The following TRPC3 variants were observed in gnomAD, a reference collection of about 807,000 sequenced individuals.
The protein encoded by TRPC3 is transient receptor potential cation channel subfamily C member 3.
In TRPC3, 54 loss-of-function variants were observed where a neutral mutation model predicts 90.9. The observed-to-expected ratio is 0.59, with a 90% CI of 0.48 to 0.75. The LOEUF is 0.75. Ranked by LOEUF, TRPC3 falls within the 30% of genes least tolerant of loss-of-function variation. The pLI, the probability that TRPC3 is intolerant of heterozygous loss-of-function variation, is 0.00. For synonymous variants in TRPC3, 424 were observed against 450.9 expected (o/e 0.94, Z 0.75); for missense variants, 918 against 1,194.5 (o/e 0.77, Z 3.41).
At chr4:121,905,746 C>T (rs1394888336) in intron 7 of TRPC3, among the ~76,000 whole-genome samples, 1 of 152,060 alleles carries the variant, frequency 6.6e-6, no homozygotes, top group Non-Finnish European at 1.5e-5. Flanking sequence ...TATTCATTCA[C>T]TCATAAAACA....
chr4:121,931,857 C>T lies in TRPC3; in HGVS notation c.987+414G>A, dbSNP rs1037533153. Reference sequence around the variant, plus strand: ...CCTAGTATTGCAGGACATCCAGACACGGTATACTCCCTCAGGGGAAATAAA... The same window carrying T: ...CCTAGTATTGCAGGACATCCAGACATGGTATACTCCCTCAGGGGAAATAAA... On this transcript the variant is annotated intron_variant, in intron 2 of 11. Transcript: ENST00000379645. Among the ~76,000 whole-genome samples the T allele has an allele frequency of 3.3e-5, 5 of 152,274 alleles. No homozygotes were observed. In the East Asian group the frequency reaches 7.7e-4, roughly 23 times the overall value.
At chr4:121,909,417 C>G (rs1373123569) in intron 6 of TRPC3, among the ~76,000 whole-genome samples, 1 of 152,082 alleles carries the variant, frequency 6.6e-6, no homozygotes, top group Non-Finnish European at 1.5e-5. Flanking sequence ...AAAGTATTTT[C>G]CAGATTTCAG....
At chr4:121,940,586 C>A (rs1674409977) in intron 1 of TRPC3, among the ~76,000 whole-genome samples, 3 of 152,208 alleles carry the variant, frequency 2.0e-5, no homozygotes. Flanking sequence ...CATCAGTGGT[C>A]CAGTTTACAT....
chr4:121,879,914 G>C (rs369174871), intron 11 of TRPC3, 36 bp from the exon 12 acceptor site: 3 of 1,500,280 alleles, frequency 2.0e-6, no homozygotes, highest in South Asian at 2.7e-5. Flanking sequence ...TTGGTAAGTT[G>C]CTCTTTGGAT....
In TRPC3 at chr4:121,879,934, A is replaced by G. The variant is rs1035918309; in HGVS notation, c.2624-56T>C. 5 of 1,448,234 alleles carry G rather than the reference A, an allele frequency of 3.5e-6. No individual in the cohort carries two copies. In the African/African-American group the frequency reaches 7.4e-5, roughly 21 times the overall value. 89.7% of individuals were successfully genotyped at this position (1,448,234 alleles called of 1,614,324 possible). On this transcript the variant is annotated intron_variant, in intron 11 of 11. Transcript: ENST00000379645. Reference sequence around the variant, plus strand: ...AAGTTGCTCTTTGGATTTAGAAATGAACAAAGAGTGAAATTCTTACAATAT... The same window carrying G: ...AAGTTGCTCTTTGGATTTAGAAATGGACAAAGAGTGAAATTCTTACAATAT...
At chr4:121,920,647 T>C (rs769296368) in intron 3 of TRPC3, among the ~76,000 whole-genome samples, 1 of 152,236 alleles carries the variant, frequency 6.6e-6, no homozygotes, top group Non-Finnish European at 1.5e-5. Flanking sequence ...ATTTTTATTC[T>C]TTGTTAGTTT....
intron 1 of TRPC3, among the ~76,000 whole-genome samples, chr4:121,936,192 T>C (rs944757224): frequency 6.6e-6 from 1 of 152,200 alleles, no homozygotes; most frequent in African/African-American, 2.4e-5. Context: ...TAAGATAAAT[T>C]TCATTAATCT....
chr4:121,892,783 TAA>T (rs1446912651), intron 10 of TRPC3, among the ~76,000 whole-genome samples: 2 of 152,014 alleles, frequency 1.3e-5, no homozygotes, highest in African/African-American at 4.8e-5. Flanking sequence ...GTGATCAAAA[TAA>T]AGATACCAGC....
intron 1 of TRPC3, among the ~76,000 whole-genome samples, chr4:121,938,981 T>C (rs534382200): frequency 7.3e-4 from 111 of 152,304 alleles, no homozygotes; most frequent in African/African-American, 2.6e-3. Flanking sequence ...CCTTCCCTTG[T>C]TCCCCAGATT....
intron 10 of TRPC3, among the ~76,000 whole-genome samples, chr4:121,888,370 A>G (rs1728204695): frequency 6.6e-6 from 1 of 152,212 alleles, no homozygotes; most frequent in Non-Finnish European, 1.5e-5. Context: ...AAGTCTTATT[A>G]ATAGGAATAA....
At position 121,892,932 on chromosome 4, in the gene TRPC3, T is replaced by C. The variant is rs552315276; in HGVS notation, c.2547+6680A>G. 5.9e-5 allele frequency among the ~76,000 whole-genome samples: 9 copies of C among 151,594 alleles called. No individual in the cohort carries two copies. The East Asian group carries it at 1.7e-3, about 29-fold the overall frequency. On this transcript the variant is annotated intron_variant, in intron 10 of 11. Transcript: ENST00000379645. ...GGTCAGGAGTTCAAGACCAGCCTGGTCAACATGGTAAAACCCAATCTCTAC... is the reference window on the plus strand; with the variant it reads ...GGTCAGGAGTTCAAGACCAGCCTGGCCAACATGGTAAAACCCAATCTCTAC...
intron 3 of TRPC3, among the ~76,000 whole-genome samples, chr4:121,917,692 A>G (rs916453194): frequency 1.3e-4 from 20 of 152,364 alleles, no homozygotes; most frequent in Middle Eastern, 3.4e-3. Context: ...TGGTACAAGT[A>G]TCTTGATATT....
chr4:121,899,159 C>A (rs1303245696), intron 10 of TRPC3, among the ~76,000 whole-genome samples: 1 of 152,128 alleles, frequency 6.6e-6, no homozygotes, highest in African/African-American at 2.4e-5. Context: ...TAAAGTAGCA[C>A]TCATGAAACA....
At chr4:121,925,510 A>G (rs1245420497) in intron 2 of TRPC3, among the ~76,000 whole-genome samples, 1 of 152,200 alleles carries the variant, frequency 6.6e-6, no homozygotes. Flanking sequence ...TGGCTACCAG[A>G]GGCAGGGGGC....
Position 121,878,405 on chromosome 4 carries a change from C to T in TRPC3, c.*1331G>A, listed in dbSNP as rs183573571. 2.6e-5 allele frequency among the ~76,000 whole-genome samples: 4 copies of T among 152,094 alleles called. No individual in the cohort carries two copies. Among genetic ancestry groups the T allele is most frequent in the Non-Finnish European group, 4.4e-5 (3 of 68,028 alleles). ...TTAAGGACCTCTGAAAATCTTTGATCTATGATCACAATTCGTATTCCTATA... is the reference window on the plus strand; with the variant it reads ...TTAAGGACCTCTGAAAATCTTTGATTTATGATCACAATTCGTATTCCTATA... On this transcript the variant is annotated 3_prime_UTR_variant, in exon 12 of 12. Transcript: ENST00000379645.
At chr4:121,927,276 C>T (rs1223952352) in intron 2 of TRPC3, among the ~76,000 whole-genome samples, 1 of 152,158 alleles carries the variant, frequency 6.6e-6, no homozygotes, top group Non-Finnish European at 1.5e-5. Context: ...TGGTAGCATT[C>T]CTTGTTGCCT....
intron 1 of TRPC3, among the ~76,000 whole-genome samples, chr4:121,940,044 G>A (rs1011107204): frequency 1.3e-5 from 2 of 152,038 alleles, no homozygotes; most frequent in Non-Finnish European, 1.5e-5. Flanking sequence ...TCAGCCTCCC[G>A]GCCTCTTTCT....
At chr4:121,888,457 A>C (rs550501470) in intron 10 of TRPC3, among the ~76,000 whole-genome samples, 13 of 152,362 alleles carry the variant, frequency 8.5e-5, no homozygotes, top group African/African-American at 3.1e-4. Flanking sequence ...TAATTCTTTA[A>C]AGATGTTCTA....
intron 4 of TRPC3, among the ~76,000 whole-genome samples, chr4:121,912,345 G>A (rs1729139810): frequency 1.3e-5 from 2 of 152,082 alleles, no homozygotes; most frequent in Non-Finnish European, 2.9e-5. Flanking sequence ...ATTCACAGAT[G>A]CACTTCTGGA....
Sources: allele counts gnomAD v4.1 joint callset (sites outside exome capture counted in the v4.1 genomes callset), GRCh38; gene constraint gnomAD v4.1.1; transcripts MANE v1.5; gene names NCBI Gene and HGNC (gene_info 2026-07-23, HGNC 2026-07-21).